Variants in WWOX observed in about 807,000 individuals in gnomAD.
The protein encoded by WWOX is WW domain containing oxidoreductase, also known as WW domain-containing oxidoreductase.
Under a neutral mutation model 46.2 loss-of-function variants are expected in WWOX, and 69 were observed. The ratio of observed to expected loss-of-function variants is 1.49; its 90% CI spans 1.23 to 1.82. The LOEUF is 1.82. Ranked by LOEUF, WWOX falls within the 40% of genes most tolerant of loss-of-function variation. The pLI is 0.00. For missense variants in WWOX, 919 were observed against 542.6 expected (o/e 1.69, Z -6.89); for synonymous variants, 359 against 202.6 (o/e 1.77, Z -6.56).
chr16:78,736,849 T>G (rs1337356084), intron 8 of WWOX, among the ~76,000 whole-genome samples: 26 of 152,106 alleles, frequency 1.7e-4, no homozygotes, highest in Non-Finnish European at 7.4e-5. Context: ...GCTCATACAA[T>G]TCCCCTGCCT....
intron 6 of WWOX, among the ~76,000 whole-genome samples, chr16:78,395,266 C>T (rs181578223): frequency 6.6e-6 from 1 of 152,312 alleles, no homozygotes; most frequent in East Asian, 1.9e-4. Context: ...TGCCTGTTAT[C>T]CCAGCACTTT....
intron 5 of WWOX, among the ~76,000 whole-genome samples, chr16:78,190,468 A>G (rs1322165000): frequency 2.6e-5 from 4 of 152,200 alleles, no homozygotes; most frequent in Non-Finnish European, 4.4e-5. Flanking sequence ...CAGTATACCT[A>G]GTGACTCTCT....
chr16:79,201,436 C>T (rs924985698), intron 8 of WWOX, among the ~76,000 whole-genome samples: 1 of 151,522 alleles, frequency 6.6e-6, no homozygotes, highest in Non-Finnish European at 1.5e-5. Flanking sequence ...GTACACGATG[C>T]CTGAGCTGGC....
At chr16:78,732,904 G>A (rs571779707) in intron 8 of WWOX, among the ~76,000 whole-genome samples, 15 of 152,264 alleles carry the variant, frequency 9.9e-5, no homozygotes, top group African/African-American at 2.6e-4. Flanking sequence ...GCTGTGTTTC[G>A]CAAGAGTAAA....
intron 6 of WWOX, among the ~76,000 whole-genome samples, chr16:78,407,703 C>T (rs2082580849): frequency 6.6e-6 from 1 of 152,180 alleles, no homozygotes; most frequent in Non-Finnish European, 1.5e-5. Flanking sequence ...AACTTCTTCC[C>T]TCCAGCTTCA....
chr16:79,123,917 T>C (rs944903322), intron 8 of WWOX, among the ~76,000 whole-genome samples: 3 of 152,166 alleles, frequency 2.0e-5, no homozygotes, highest in African/African-American at 4.8e-5. Context: ...ACCGATACCC[T>C]GGGTCTCCTG....
At chr16:78,564,933 G>C (rs2044528802) in intron 8 of WWOX, among the ~76,000 whole-genome samples, 1 of 151,914 alleles carries the variant, frequency 6.6e-6, no homozygotes, top group African/African-American at 2.4e-5. Context: ...CATGCCATCT[G>C]AAATCCTCCT....
At chr16:79,141,331 A>C (rs2050085214) in intron 8 of WWOX, among the ~76,000 whole-genome samples, 1 of 152,170 alleles carries the variant, frequency 6.6e-6, no homozygotes, top group African/African-American at 2.4e-5. Context: ...ATGTCTCCCT[A>C]GAATGTGTAC....
At chr16:78,474,382 A>C (rs946674267) in intron 8 of WWOX, among the ~76,000 whole-genome samples, 1 of 152,214 alleles carries the variant, frequency 6.6e-6, no homozygotes, top group South Asian at 2.1e-4. Flanking sequence ...TGCACTCTCT[A>C]AACCGATCAT....
intron 8 of WWOX, among the ~76,000 whole-genome samples, chr16:78,670,445 G>A (rs758607148): frequency 6.6e-6 from 1 of 152,052 alleles, no homozygotes. Flanking sequence ...AGAACTATTA[G>A]GGCTGATCTC....
chr16:78,322,900 C>G (rs748500163), intron 5 of WWOX, among the ~76,000 whole-genome samples: 11 of 152,162 alleles, frequency 7.2e-5, no homozygotes, highest in Non-Finnish European at 1.6e-4. Flanking sequence ...TTCATGATCA[C>G]AACTTACTCT....
chr16:78,743,562 C>T (rs559308045), intron 8 of WWOX, among the ~76,000 whole-genome samples: 37 of 152,242 alleles, frequency 2.4e-4, no homozygotes, highest in African/African-American at 8.2e-4. Context: ...AAAAGGAAAA[C>T]ACCAACTTTC....
At chr16:78,856,188 G>T (rs1157095385) in intron 8 of WWOX, among the ~76,000 whole-genome samples, 1 of 152,170 alleles carries the variant, frequency 6.6e-6, no homozygotes, top group East Asian at 1.9e-4. Context: ...TGCATAAAGG[G>T]CCAGAACAGA....
intron 8 of WWOX, among the ~76,000 whole-genome samples, chr16:78,575,043 ATATAT>A (rs2044831296): frequency 1.8e-4 from 1 of 5,498 alleles, no homozygotes; most frequent in Non-Finnish European, 3.4e-4. Flanking sequence ...ATATATATAT[ATATAT>A]ATATATATAT....
At chr16:78,366,588 A>G (rs1255647909) in intron 5 of WWOX, among the ~76,000 whole-genome samples, 1 of 152,212 alleles carries the variant, frequency 6.6e-6, no homozygotes, top group East Asian at 1.9e-4. Flanking sequence ...CCTGCCCAGC[A>G]CCTGGCTTTG....
intron 8 of WWOX, among the ~76,000 whole-genome samples, chr16:78,709,017 T>C (rs2048382588): frequency 6.6e-6 from 1 of 152,228 alleles, no homozygotes; most frequent in Non-Finnish European, 1.5e-5. Context: ...TCATAAACTA[T>C]GTTTCGAAAC....
At chr16:79,068,820 C>CAATCATAAT (rs1555521793) in intron 8 of WWOX, among the ~76,000 whole-genome samples, 1 of 138,554 alleles carries the variant, frequency 7.2e-6, no homozygotes, top group Non-Finnish European at 1.6e-5. Context: ...CAAAAAAACC[C>CAATCATAAT]AATAATAATA....
chr16:78,901,895 T>C (rs530784868), intron 8 of WWOX, among the ~76,000 whole-genome samples: 1 of 152,324 alleles, frequency 6.6e-6, no homozygotes, highest in African/African-American at 2.4e-5. Flanking sequence ...AATCTGAGTG[T>C]ACATCAAGTG....
chr16:78,612,989 A>G (rs180967789), intron 8 of WWOX, among the ~76,000 whole-genome samples: 38 of 152,256 alleles, frequency 2.5e-4, no homozygotes, highest in Non-Finnish European at 1.5e-5. Flanking sequence ...CTGTGGATCT[A>G]TGACCCTGTC....
Sources: gnomAD v4.1 joint callset for allele counts (sites outside exome capture counted in the v4.1 genomes callset) on GRCh38, gnomAD v4.1.1 for gene constraint, MANE v1.5 for transcripts, NCBI Gene and HGNC (gene_info 2026-07-23, HGNC 2026-07-21) for gene names.